The following SUPT3H variants were observed in gnomAD, a reference collection of about 807,000 sequenced individuals.
SUPT3H encodes the protein transcription initiation protein SPT3 homolog.
SUPT3H carries 44 observed loss-of-function variants against 44.3 expected under a neutral mutation model. That is an observed-to-expected ratio of 0.99 (90% CI 0.78 to 1.28). The LOEUF (loss-of-function observed/expected upper bound fraction) is 1.28, where lower values mean the gene tolerates loss of function less well. Among genes scored for constraint, SUPT3H ranks in the 50% most tolerant of loss-of-function variants. The pLI is 0.00. For synonymous variants in SUPT3H, 124 were observed against 125.6 expected (o/e 0.99, Z 0.09); for missense variants, 380 against 387.1 (o/e 0.98, Z 0.15).
intron 2 of SUPT3H, chr6:45,328,753 A>G (rs1453274544): frequency 1.2e-6 from 2 of 1,612,106 alleles, no homozygotes; most frequent in Non-Finnish European, 1.7e-6. Context: ...TCTTCAGCAC[A>G]GTGACACCAT....
chr6:44,810,128 A>G (rs538271385), intron 11 of SUPT3H, among the ~76,000 whole-genome samples: 2 of 152,286 alleles, frequency 1.3e-5, no homozygotes, highest in South Asian at 2.1e-4. Context: ...GCCTGACTCC[A>G]GAATCATGAG....
chr6:45,160,006 G>C (rs1808673995), intron 2 of SUPT3H, among the ~76,000 whole-genome samples: 2 of 152,034 alleles, frequency 1.3e-5, no homozygotes, highest in Non-Finnish European at 2.9e-5. Context: ...ATTAATTTAT[G>C]GTACAGTCAT....
chr6:44,837,242 T>C (rs1349128224), intron 10 of SUPT3H, among the ~76,000 whole-genome samples: 5 of 152,230 alleles, frequency 3.3e-5, no homozygotes, highest in South Asian at 2.1e-4. Context: ...CAGTTAATTC[T>C]CATTTCGCTT....
intron 2 of SUPT3H, among the ~76,000 whole-genome samples, chr6:45,287,836 T>A (rs190202250): frequency 1.2e-4 from 19 of 152,322 alleles, no homozygotes; most frequent in Non-Finnish European, 7.4e-5. Flanking sequence ...TAACTGCAAC[T>A]TCCGAACTGT....
At chr6:45,184,901 T>C (rs1813920416) in intron 2 of SUPT3H, among the ~76,000 whole-genome samples, 1 of 151,784 alleles carries the variant, frequency 6.6e-6, no homozygotes, top group South Asian at 2.1e-4. Flanking sequence ...CAATCATCAA[T>C]GGAAAAACAG....
chr6:45,037,463 A>G (rs1419746694), intron 3 of SUPT3H, among the ~76,000 whole-genome samples: 1 of 150,846 alleles, frequency 6.6e-6, no homozygotes, highest in East Asian at 2.0e-4. Context: ...CCTGGCCGAT[A>G]TGGTGAAACC....
Position 45,180,448 on chromosome 6 carries a change from C to A in SUPT3H, c.102-74442G>T, listed in dbSNP as rs1391585107. Reference sequence around the variant, plus strand: ...CAAAAGAACAAAGCTGGAGGCATCACGCTACCTGACTTCAAACTATACTAC... The same window carrying A: ...CAAAAGAACAAAGCTGGAGGCATCAAGCTACCTGACTTCAAACTATACTAC... On this transcript the variant is annotated intron_variant, in intron 2 of 10. Transcript: ENST00000371459. 9.0e-3 allele frequency among the ~76,000 whole-genome samples: 1,340 copies of A among 148,428 alleles called. 11 individuals are homozygous for A. The highest frequency in any genetic ancestry group is 0.028 in the South Asian group (127 of 4,588).
chr6:44,911,559 AT>A (rs1323761142), intron 10 of SUPT3H, among the ~76,000 whole-genome samples: 1 of 152,188 alleles, frequency 6.6e-6, no homozygotes, highest in Admixed American at 6.5e-5. Flanking sequence ...ATGATTTTAA[AT>A]TTTTAAAATA....
chr6:44,887,274 G>A (rs1226916204), intron 10 of SUPT3H, among the ~76,000 whole-genome samples: 2 of 152,072 alleles, frequency 1.3e-5, no homozygotes, highest in Non-Finnish European at 2.9e-5. Flanking sequence ...TGACCTAATA[G>A]ACATCTACAG....
chr6:45,364,717 T>C (rs985260909), intron 2 of SUPT3H, among the ~76,000 whole-genome samples: 1 of 152,164 alleles, frequency 6.6e-6, no homozygotes, highest in Non-Finnish European at 1.5e-5. Flanking sequence ...TCTAAGTTTT[T>C]CCCCAATGCT....
intron 10 of SUPT3H, among the ~76,000 whole-genome samples, chr6:44,843,925 A>G (rs9395050): frequency 0.51 from 61,838 of 121,276 alleles, 12,987 homozygotes; most frequent in East Asian, 0.73. Flanking sequence ...ACACACACAC[A>G]CGCACACACA....
At chr6:44,966,010 A>G (rs1198690881) in intron 6 of SUPT3H, among the ~76,000 whole-genome samples, 1 of 152,212 alleles carries the variant, frequency 6.6e-6, no homozygotes, top group Non-Finnish European at 1.5e-5. Flanking sequence ...AAGAATTAGG[A>G]TCAAACTGTA....
intron 2 of SUPT3H, among the ~76,000 whole-genome samples, chr6:45,251,959 A>G (rs569506734): frequency 6.6e-6 from 1 of 152,312 alleles, no homozygotes; most frequent in African/African-American, 2.4e-5. Context: ...CAAATATTCA[A>G]TTTCAATAAA....
chr6:45,330,117 CA>C (rs535852435), intron 2 of SUPT3H, among the ~76,000 whole-genome samples: 11 of 149,846 alleles, frequency 7.3e-5, no homozygotes, highest in East Asian at 3.9e-4. Flanking sequence ...TTGTATTTTA[CA>C]AAAAAAAATG....
chr6:45,104,736 G>A (rs1187372663), intron 3 of SUPT3H, among the ~76,000 whole-genome samples: 2 of 151,964 alleles, frequency 1.3e-5, no homozygotes, highest in Non-Finnish European at 2.9e-5. Flanking sequence ...AATGTGTGAA[G>A]CTAAAAGAAG....
At chr6:45,176,777 G>C (rs1028862983) in intron 2 of SUPT3H, among the ~76,000 whole-genome samples, 1 of 152,120 alleles carries the variant, frequency 6.6e-6, no homozygotes, top group Non-Finnish European at 1.5e-5. Context: ...CCTGACCCCC[G>C]AGCAGCCTAA....
At chr6:45,176,113 A>G (rs1372514682) in intron 2 of SUPT3H, among the ~76,000 whole-genome samples, 1 of 152,106 alleles carries the variant, frequency 6.6e-6, no homozygotes, top group African/African-American at 2.4e-5. Context: ...TACAGCTCCC[A>G]GCGTGAGCGA....
At chr6:45,166,763 G>C (rs958137113) in intron 2 of SUPT3H, among the ~76,000 whole-genome samples, 1 of 152,100 alleles carries the variant, frequency 6.6e-6, no homozygotes, top group Non-Finnish European at 1.5e-5. Context: ...GGCTAAGAGG[G>C]ACATGAAAAG....
chr6:45,287,381 C>A (rs1196916153), intron 2 of SUPT3H, among the ~76,000 whole-genome samples: 3 of 152,096 alleles, frequency 2.0e-5, no homozygotes, highest in Non-Finnish European at 4.4e-5. Flanking sequence ...AGCAGATAAA[C>A]TGATAAACAA....
Sources: allele counts gnomAD v4.1 joint callset (sites outside exome capture counted in the v4.1 genomes callset), GRCh38; gene constraint gnomAD v4.1.1; transcripts MANE v1.5; gene names NCBI Gene and HGNC (gene_info 2026-07-23, HGNC 2026-07-21).